The following PRDM16 variants were observed in gnomAD, a reference collection of about 807,000 sequenced individuals.
PRDM16 encodes histone-lysine N-methyltransferase PRDM16.
Under a neutral mutation model 110.6 loss-of-function variants are expected in PRDM16, and 23 were observed. The ratio of observed to expected loss-of-function variants is 0.21; its 90% CI spans 0.15 to 0.29. PRDM16 has a LOEUF of 0.29. PRDM16 is among the 10% of genes least tolerant of loss of function. The probability of loss-of-function intolerance (pLI) is 1.00; values close to 1 mark genes in which losing one functional copy is unlikely to be tolerated. For synonymous variants in PRDM16, 799 were observed against 781.8 expected (o/e 1.02, Z -0.37); for missense variants, 1,615 against 1,794.3 (o/e 0.90, Z 1.81).
intron 2 of PRDM16, among the ~76,000 whole-genome samples, chr1:3,219,068 C>T (rs527615830): frequency 9.0e-4 from 137 of 152,280 alleles, no homozygotes; most frequent in Non-Finnish European, 1.5e-3. Flanking sequence ...CACACTGCCG[C>T]GAGGAGGGCC....
chr1:3,249,422 C>G (rs778592157), intron 3 of PRDM16, among the ~76,000 whole-genome samples: 1 of 152,040 alleles, frequency 6.6e-6, no homozygotes, highest in African/African-American at 2.4e-5. Flanking sequence ...AGGCCTGTGC[C>G]AGCGAGGTGA....
At chr1:3,189,829 TGCGC>T (rs1638252979) in intron 2 of PRDM16, among the ~76,000 whole-genome samples, 1 of 152,116 alleles carries the variant, frequency 6.6e-6, no homozygotes, top group East Asian at 1.9e-4. Flanking sequence ...AGGAACAGGG[TGCGC>T]GTCTCTTGAA....
rs1424942230 is a variant in PRDM16 at position 3,160,806 on chromosome 1, C to T, written c.38-25319C>T. ...GGCTTCATGGGCGGGGCACTGTTGC[C>T]ACCTGCACTTCCAGACAGGGTAGCT... is the stretch of plus-strand genomic sequence containing the variant. On this transcript the variant is annotated intron_variant, in intron 1 of 16. Transcript: ENST00000270722. Among the ~76,000 whole-genome samples the T allele has an allele frequency of 7.9e-5, 12 of 152,340 alleles. No homozygotes were observed. In the East Asian group the frequency reaches 2.3e-3, roughly 29 times the overall value.
At chr1:3,146,919 G>GT (rs1404258389) in intron 1 of PRDM16, among the ~76,000 whole-genome samples, 2 of 93,624 alleles carry the variant, frequency 2.1e-5, no homozygotes, top group Admixed American at 1.3e-4. Context: ...AGTGTGGGGG[G>GT]GTGTGTGTGC....
At chr1:3,413,233 A>G (rs1448839486) in intron 9 of PRDM16, among the ~76,000 whole-genome samples, 2 of 147,842 alleles carry the variant, frequency 1.4e-5, no homozygotes, top group African/African-American at 4.9e-5. Context: ...GCCTGGGCTG[A>G]GTGCTTCCTG....
chr1:3,368,038 A>C (rs1305150160), intron 3 of PRDM16, among the ~76,000 whole-genome samples: 1 of 152,232 alleles, frequency 6.6e-6, no homozygotes, highest in Non-Finnish European at 1.5e-5. Context: ...AACATTCTGT[A>C]CCTGACATGC....
intron 3 of PRDM16, among the ~76,000 whole-genome samples, chr1:3,373,997 G>A (rs1319298345): frequency 2.0e-5 from 3 of 152,328 alleles, no homozygotes; most frequent in Non-Finnish European, 4.4e-5. Flanking sequence ...GGCCTGCTTC[G>A]GTGTCCTCCT....
intron 1 of PRDM16, among the ~76,000 whole-genome samples, chr1:3,164,384 C>T (rs763178054): frequency 6.6e-6 from 1 of 152,160 alleles, no homozygotes; most frequent in Non-Finnish European, 1.5e-5. Context: ...GACGTTGGGC[C>T]GACAGCTTCT....
intron 2 of PRDM16, among the ~76,000 whole-genome samples, chr1:3,238,631 C>T (rs1288763065): frequency 6.6e-6 from 1 of 152,246 alleles, no homozygotes; most frequent in Non-Finnish European, 1.5e-5. Context: ...GACTAACCGC[C>T]TTTCACGGTT....
At chr1:3,090,785 A>C (rs1396598779) in intron 1 of PRDM16, among the ~76,000 whole-genome samples, 1 of 152,202 alleles carries the variant, frequency 6.6e-6, no homozygotes. Context: ...TTGGCCCCTG[A>C]AGCCCATGCC....
intron 1 of PRDM16, among the ~76,000 whole-genome samples, chr1:3,089,850 G>A (rs1441677422): frequency 1.3e-5 from 2 of 152,148 alleles, no homozygotes; most frequent in South Asian, 2.1e-4. Flanking sequence ...AACTTCCTCC[G>A]GCCGACCGAC....
chr1:3,114,602 G>T (rs538259791), intron 1 of PRDM16, among the ~76,000 whole-genome samples: 1 of 151,342 alleles, frequency 6.6e-6, no homozygotes, highest in Admixed American at 6.6e-5. Context: ...ACGTGCACAT[G>T]CACACACGTG....
chr1:3,369,837 A>AT (rs1241925469), intron 3 of PRDM16, among the ~76,000 whole-genome samples: 3 of 152,206 alleles, frequency 2.0e-5, no homozygotes, highest in African/African-American at 7.2e-5. Context: ...GCCAATGACC[A>AT]TTTTTGTATG....
Position 3,326,042 on chromosome 1 carries a change from C to T in PRDM16, c.439-59110C>T, listed in dbSNP as rs1233101157. On this transcript the variant is annotated intron_variant, in intron 3 of 16. Coordinates refer to ENST00000270722, the MANE Select transcript of PRDM16 (RefSeq NM_022114.4). Reference sequence around the variant, plus strand: ...CCATCCTTGGCCCTCCTTGGCCATCCTCGGCCCTCTTGGCCCCCCTTGGCC... The same window carrying T: ...CCATCCTTGGCCCTCCTTGGCCATCTTCGGCCCTCTTGGCCCCCCTTGGCC... Among the ~76,000 whole-genome samples, 15 of 62,740 alleles carry T rather than the reference C, an allele frequency of 2.4e-4. 1 individual carries two copies. The highest frequency in any genetic ancestry group is 4.8e-4 in the Non-Finnish European group (15 of 31,206). The allele number at this position is 62,740 out of a possible 152,430, so 41.2% of individuals were successfully genotyped here.
intron 3 of PRDM16, among the ~76,000 whole-genome samples, chr1:3,351,201 G>C (rs987155056): frequency 1.3e-5 from 2 of 152,130 alleles, no homozygotes; most frequent in African/African-American, 2.4e-5. Context: ...CCTGGCCAGT[G>C]CCAGCTCTCA....
rs930639705 is a variant in PRDM16 at position 3,244,376 on chromosome 1, C to T, written c.438+239C>T. On this transcript the variant is annotated intron_variant, in intron 3 of 16. Transcript: ENST00000270722. The surrounding 1 kb of genome is among the most constrained non-coding windows in gnomAD (Gnocchi z 4.1). ...GTAGGGTCACAGGTACAGGGCCATCCGCCACTCTCCTAACTCCCGAGAGTG... is the reference window on the plus strand; with the variant it reads ...GTAGGGTCACAGGTACAGGGCCATCTGCCACTCTCCTAACTCCCGAGAGTG... Among the ~76,000 whole-genome samples, 1 of 152,044 alleles carries T rather than the reference C, an allele frequency of 6.6e-6. No individual in the cohort carries two copies. Among genetic ancestry groups the T allele is most frequent in the African/African-American group, 2.4e-5 (1 of 41,410 alleles).
At chr1:3,402,746 T>C in intron 5 of PRDM16, 45 bp from the exon 6 acceptor site, 1 of 1,564,966 alleles carries the variant, frequency 6.4e-7, no homozygotes, top group Non-Finnish European at 8.8e-7. Flanking sequence ...AGCCCTGGGC[T>C]GGGTCTCCAG....
chr1:3,212,648 C>T (rs572646682), intron 2 of PRDM16, among the ~76,000 whole-genome samples: 2 of 148,634 alleles, frequency 1.3e-5, no homozygotes, highest in East Asian at 3.9e-4. Context: ...CCGGCCCCCT[C>T]GCTGCGGTCC....
chr1:3,273,529 G>A (rs757818504), intron 3 of PRDM16, among the ~76,000 whole-genome samples: 7 of 152,082 alleles, frequency 4.6e-5, no homozygotes, highest in Non-Finnish European at 1.0e-4. Flanking sequence ...ATGTGTGTAC[G>A]TGGGTGGGTA....
Sources: gnomAD v4.1 joint callset for allele counts (sites outside exome capture counted in the v4.1 genomes callset) on GRCh38, gnomAD v4.1.1 for gene constraint, Gnocchi (gnomAD v3.1) non-coding constraint, MANE v1.5 for transcripts, NCBI Gene and HGNC (gene_info 2026-07-23, HGNC 2026-07-21) for gene names.